The following GREB1 variants were observed in gnomAD, a reference collection of about 807,000 sequenced individuals.
The protein encoded by GREB1 is growth regulating estrogen receptor binding 1.
A neutral mutation model predicts 200.7 loss-of-function variants in GREB1; 106 were observed. That is an observed-to-expected ratio of 0.53 (90% CI 0.45 to 0.62). GREB1 has a LOEUF of 0.62. Among genes scored for constraint, GREB1 ranks in the 20% least tolerant of loss-of-function variants. The pLI is 0.00. For synonymous variants in GREB1, 1,132 were observed against 1,092.4 expected (o/e 1.04, Z -0.72); for missense variants, 2,243 against 2,556.8 (o/e 0.88, Z 2.65).
chr2:11,590,906 T>G (rs1368056443), intron 10 of GREB1, among the ~76,000 whole-genome samples: 2 of 152,130 alleles, frequency 1.3e-5, no homozygotes, highest in Non-Finnish European at 2.9e-5. Flanking sequence ...ACTGTGCCAG[T>G]GTGGCCGGGA....
chr2:11,499,425 T>C (rs945722627), intron 1 of GREB1, among the ~76,000 whole-genome samples: 8 of 152,256 alleles, frequency 5.3e-5, no homozygotes, highest in Middle Eastern at 3.2e-3. Context: ...TAAACACTGT[T>C]ATCTGGCCAT....
intron 2 of GREB1, among the ~76,000 whole-genome samples, chr2:11,558,935 C>G (rs1183918086): frequency 6.6e-6 from 1 of 152,072 alleles, no homozygotes. Context: ...AACCTACCAC[C>G]TCCTTTAGGG....
intron 1 of GREB1, among the ~76,000 whole-genome samples, chr2:11,491,911 T>C (rs913379410): frequency 5.9e-5 from 9 of 152,320 alleles, no homozygotes; most frequent in South Asian, 4.1e-4. Context: ...ATTACCCTTC[T>C]ACCGATTAGT....
At chr2:11,502,218 TC>T (rs1336445780) in intron 1 of GREB1, among the ~76,000 whole-genome samples, 3 of 146,394 alleles carry the variant, frequency 2.0e-5, no homozygotes, top group Non-Finnish European at 4.5e-5. Context: ...CGCCTGGCCC[TC>T]TTTTTTTTTT....
At chr2:11,526,750 G>A (rs1040337144) in intron 1 of GREB1, among the ~76,000 whole-genome samples, 3 of 152,000 alleles carry the variant, frequency 2.0e-5, no homozygotes, top group African/African-American at 7.2e-5. Context: ...TAGAAATGGA[G>A]TTTCCCCATG....
Position 11,635,390 on chromosome 2 carries a change from C to A in GREB1, c.5331C>A (p.Phe1777Leu), listed in dbSNP as rs149131369. 4 of 1,611,384 alleles carry A rather than the reference C, an allele frequency of 2.5e-6. No homozygotes were observed. The African/African-American group carries it at 5.3e-5, about 21-fold the overall frequency. Residue 1777 changes from phenylalanine (F) to leucine (L), a missense_variant, in exon 30 of 33, where the codon TTC becomes TTA. By Grantham distance (22) the Phe-to-Leu change is conservative. Around this residue, in one of 3 missense-constraint regions of GREB1, gnomAD observed 478 missense variants for 616.3 expected, o/e 0.78. Transcript: ENST00000381486. Reference sequence around the variant, plus strand: ...TCGTGGTGGGCGGCCACAGGTCCTTCCACATCACATCCAAGGTGAGCTCCT... The same window carrying A: ...TCGTGGTGGGCGGCCACAGGTCCTTACACATCACATCCAAGGTGAGCTCCT... ...KQIVVGGHRS[F>L]HITSKVSDNS...
At chr2:11,625,762 A>T (rs1325080242) in intron 24 of GREB1, among the ~76,000 whole-genome samples, 2 of 152,168 alleles carry the variant, frequency 1.3e-5, no homozygotes, top group Non-Finnish European at 2.9e-5. Flanking sequence ...GACTAGAAAA[A>T]TTTGGTAAAT....
intron 30 of GREB1, 105 bp downstream of exon 30, chr2:11,635,510 C>A: frequency 1.5e-6 from 2 of 1,337,326 alleles, no homozygotes; most frequent in Non-Finnish European, 2.0e-6. Context: ...CTCTTTCAAG[C>A]GCATGGGGCA....
At chr2:11,636,885 C>T (rs1685391912) in intron 30 of GREB1, among the ~76,000 whole-genome samples, 1 of 145,046 alleles carries the variant, frequency 6.9e-6, no homozygotes, top group Non-Finnish European at 1.5e-5. Context: ...GAGGCAGGGG[C>T]ATGGACAGAG....
Position 11,618,857 on chromosome 2 carries a change from C to T in GREB1, c.3982C>T (p.Arg1328Trp), listed in dbSNP as rs574305648. The T allele has an allele frequency of 2.5e-5, 40 of 1,593,022 alleles. No homozygotes were observed. The highest frequency in any genetic ancestry group is 1.7e-4 in the Middle Eastern group (1 of 6,026). ...GCCCAGCCACATGGACTACGGCAACCGGGCCGAGGGCCGCGTGGACGGCTT... is the reference window on the plus strand; with the variant it reads ...GCCCAGCCACATGGACTACGGCAACTGGGCCGAGGGCCGCGTGGACGGCTT... ...PRPSHMDYGN[R>W]AEGRVDGFHP... The change falls in exon 22 of 33, where the codon CGG becomes TGG. Residue 1328 changes from arginine to tryptophan, a missense_variant. Around this residue, in one of 3 missense-constraint regions of GREB1, gnomAD observed 587 missense variants for 553.1 expected, o/e 1.06. Coordinates refer to ENST00000381486, the MANE Select transcript of GREB1 (RefSeq NM_014668.4).
intron 1 of GREB1, among the ~76,000 whole-genome samples, chr2:11,519,000 T>C (rs1364631327): frequency 6.7e-6 from 1 of 148,432 alleles, no homozygotes; most frequent in Non-Finnish European, 1.5e-5. Flanking sequence ...CTTGGGAGGC[T>C]GAGGCAGGAT....
At chr2:11,522,672 G>A (rs965807686) in intron 1 of GREB1, among the ~76,000 whole-genome samples, 1 of 152,178 alleles carries the variant, frequency 6.6e-6, no homozygotes, top group African/African-American at 2.4e-5. Flanking sequence ...CATCCGCTCT[G>A]TCTGATAAAA....
chr2:11,585,341 T>G (rs1679968373), intron 8 of GREB1, 67 bp downstream of exon 8: 1 of 954,150 alleles, frequency 1.0e-6, no homozygotes, highest in East Asian at 2.5e-5. Context: ...CTGCCAGTTG[T>G]GTGTATGTGT....
chr2:11,615,025 C>T (rs1409352306), intron 19 of GREB1, 66 bp from the exon 20 acceptor site: 26 of 1,226,992 alleles, frequency 2.1e-5, no homozygotes, highest in African/African-American at 4.4e-5. Context: ...TGCTGCCTGC[C>T]GCAGTGGGAA....
chr2:11,490,038 ATATAAT>A (rs1672744869), intron 1 of GREB1, among the ~76,000 whole-genome samples: 1 of 150,470 alleles, frequency 6.6e-6, no homozygotes, highest in Admixed American at 6.7e-5. Context: ...TATGTTATAT[ATATAAT>A]TATAATACAA....
rs373266396 is a variant in GREB1 at position 11,592,839 on chromosome 2, C to T, written c.1409C>T (p.Ser470Leu). Residue 470 changes from serine (S) to leucine (L), a missense_variant, in exon 11 of 33, where the codon TCG becomes TTG. Physicochemically the swap from Ser to Leu is moderately radical, Grantham distance 145. Transcript: ENST00000381486. ...EQIFLRSWRESHLTEIRQYQQ... is the reference protein window; with the variant it reads ...EQIFLRSWRELHLTEIRQYQQ... ...ATCTTCCTGCGCTCTTGGCGCGAGT[C>T]GCACCTGACCGAGATCCGGCAGTAC... 2.4e-5 allele frequency: 39 copies of T among 1,595,818 alleles called. No homozygotes were observed. The highest frequency in any genetic ancestry group is 8.8e-5 in the Admixed American group (5 of 57,032).
At chr2:11,511,358 C>CTAGGAAGACAATTTT (rs1673346097) in intron 1 of GREB1, among the ~76,000 whole-genome samples, 1 of 152,018 alleles carries the variant, frequency 6.6e-6, no homozygotes, top group East Asian at 1.9e-4. Flanking sequence ...AAAGGCAGAA[C>CTAGGAAGACAATTTT]TAGGAAGACA....
intron 11 of GREB1, 104 bp downstream of exon 11, chr2:11,593,230 C>T (rs949262663): frequency 3.8e-6 from 3 of 782,796 alleles, no homozygotes; most frequent in South Asian, 3.8e-5. Flanking sequence ...CCCGGGTTTG[C>T]AGCAGCAGTT....
At position 11,635,259 on chromosome 2, in the gene GREB1, G is replaced by A. The variant is rs1685218260; in HGVS notation, c.5211-11G>A. 1.2e-6 allele frequency: 2 copies of A among 1,614,074 alleles called. No individual in the cohort carries two copies. Among genetic ancestry groups the A allele is most frequent in the East Asian group, 4.5e-5 (2 of 44,892 alleles). ...CCCCATCAGACCCACCCCTCCTCTG[G>A]CCCTGAGTAGGTTCCTGTGTGACGA... On this transcript the variant is annotated splice_polypyrimidine_tract_variant and intron_variant, in intron 29 of 32. Transcript: ENST00000381486.
Sources: gnomAD v4.1 joint callset for allele counts (sites outside exome capture counted in the v4.1 genomes callset) on GRCh38, gnomAD v4.1.1 for gene constraint, gnomAD v4.1.1 regional missense constraint, MANE v1.5 for transcripts, NCBI Gene and HGNC (gene_info 2026-07-23, HGNC 2026-07-21) for gene names.